The following NAV2 variants were observed in gnomAD, a reference collection of about 807,000 sequenced individuals.
NAV2 encodes the protein neuron navigator 2.
Under a neutral mutation model 223.2 loss-of-function variants are expected in NAV2, and 54 were observed. The observed-to-expected ratio is 0.24, with a 90% CI of 0.19 to 0.30. The LOEUF (loss-of-function observed/expected upper bound fraction) is 0.30. NAV2 is among the 10% of genes least tolerant of loss of function. NAV2 has a pLI of 1.00. For synonymous variants in NAV2, 1,279 were observed against 1,239.3 expected (o/e 1.03, Z -0.67); for missense variants, 2,806 against 3,147.5 (o/e 0.89, Z 2.60).
At chr11:19,421,734 G>C (rs921314723) in intron 1 of NAV2, among the ~76,000 whole-genome samples, 5 of 143,662 alleles carry the variant, frequency 3.5e-5, no homozygotes, top group Non-Finnish European at 6.0e-5. Context: ...CTGATGACTT[G>C]AGAGCCCATG....
chr11:19,446,808 T>A (rs1851601635), intron 1 of NAV2, among the ~76,000 whole-genome samples: 7 of 152,116 alleles, frequency 4.6e-5, no homozygotes, highest in Admixed American at 3.9e-4. Context: ...AATATGACCA[T>A]CCCATTACAG....
At chr11:19,473,469 CT>C (rs1214050085) in intron 1 of NAV2, among the ~76,000 whole-genome samples, 1 of 152,180 alleles carries the variant, frequency 6.6e-6, no homozygotes, top group African/African-American at 2.4e-5. Flanking sequence ...TCCAGAGAAA[CT>C]CCAAGTAAAA....
chr11:19,772,406 C>T (rs1416370829), intron 1 of NAV2, among the ~76,000 whole-genome samples: 1 of 152,188 alleles, frequency 6.6e-6, no homozygotes, highest in East Asian at 1.9e-4. Context: ...CATCTCTGAG[C>T]CTTTCTCTGC....
intron 1 of NAV2, among the ~76,000 whole-genome samples, chr11:19,392,528 C>T (rs1183848388): frequency 2.6e-5 from 4 of 152,146 alleles, no homozygotes; most frequent in African/African-American, 9.7e-5. Flanking sequence ...TGTGGCCTGG[C>T]TTTCCTTACA....
chr11:19,710,461 T>C (rs1278636590), upstream of NAV2, among the ~76,000 whole-genome samples: 2 of 152,242 alleles, frequency 1.3e-5, no homozygotes, highest in East Asian at 3.8e-4. Flanking sequence ...ATATATTCAT[T>C]AGGGCAGAAT....
rs375819759 is a variant in NAV2, at chr11:19,403,945, C to T, written c.75+52918C>T. Among the ~76,000 whole-genome samples, 412 of 127,312 alleles carry T rather than the reference C, an allele frequency of 3.2e-3. 3 individuals carry two copies. Among genetic ancestry groups the T allele is most frequent in the African/African-American group, 0.011 (395 of 35,090 alleles). The allele number at this position is 127,312 out of a possible 152,430, so 83.5% of individuals were successfully genotyped here. A position where few individuals can be genotyped will look rare whatever the true frequency, so the allele number is the denominator to read the frequency against. On this transcript the variant is annotated intron_variant, in intron 1 of 37. Transcript: ENST00000360655. ...CTTGCGTACGTGGCTCTTACGGGGA[C>T]CATGGTCCATATAGAGAAACAGTCG...
intron 1 of NAV2, among the ~76,000 whole-genome samples, chr11:19,446,687 T>C (rs1304972696): frequency 6.6e-6 from 1 of 152,180 alleles, no homozygotes; most frequent in African/African-American, 2.4e-5. Context: ...GCCAGAGTCA[T>C]CATTAATGCA....
At chr11:19,957,930 T>G (rs2048023973) in intron 10 of NAV2, among the ~76,000 whole-genome samples, 1 of 152,204 alleles carries the variant, frequency 6.6e-6, no homozygotes, top group Admixed American at 6.5e-5. Context: ...ATGGGTGTCT[T>G]GTCTTCTCAG....
At chr11:19,644,028 C>T (rs1173889371) in intron 1 of NAV2, among the ~76,000 whole-genome samples, 1 of 151,894 alleles carries the variant, frequency 6.6e-6, no homozygotes, top group Non-Finnish European at 1.5e-5. Context: ...AGTAGGTACC[C>T]CTGTGCGTAT....
chr11:19,394,813 C>T (rs764149339), intron 1 of NAV2, among the ~76,000 whole-genome samples: 86 of 152,148 alleles, frequency 5.7e-4, no homozygotes, highest in African/African-American at 1.9e-3. Flanking sequence ...TCAAATGTGG[C>T]GGGGATTGAG....
Position 20,039,103 on chromosome 11 carries a change from C to T in NAV2, c.2907+3006C>T, listed in dbSNP as rs138961299. 4.1e-3 allele frequency among the ~76,000 whole-genome samples: 630 copies of T among 152,248 alleles called. 5 individuals are homozygous for T. Among genetic ancestry groups the T allele is most frequent in the African/African-American group, 0.014 (576 of 41,548 alleles). Reference sequence around the variant, plus strand: ...AATCCCCTGCTTGAGGCCCAAGAGCCTCTTGAGCAACTCCTCCAGGAGAGC... The same window carrying T: ...AATCCCCTGCTTGAGGCCCAAGAGCTTCTTGAGCAACTCCTCCAGGAGAGC... On this transcript the variant is annotated intron_variant, in intron 12 of 37. Coordinates refer to ENST00000349880, the MANE Select transcript of NAV2 (RefSeq NM_145117.5).
At chr11:19,638,963 A>G (rs1249152155) in intron 1 of NAV2, among the ~76,000 whole-genome samples, 4 of 152,222 alleles carry the variant, frequency 2.6e-5, no homozygotes, top group Non-Finnish European at 5.9e-5. Context: ...ACTGCACTCC[A>G]GCTTGGGTGA....
At chr11:20,000,867 C>T (rs1591608040) in intron 11 of NAV2, among the ~76,000 whole-genome samples, 2 of 152,326 alleles carry the variant, frequency 1.3e-5, no homozygotes, top group East Asian at 3.9e-4. Flanking sequence ...GTTCCTGGCA[C>T]TGTCTCTCTG....
At chr11:19,515,628 A>G (rs1019807532) in intron 1 of NAV2, among the ~76,000 whole-genome samples, 3 of 152,236 alleles carry the variant, frequency 2.0e-5, no homozygotes, top group African/African-American at 7.2e-5. Flanking sequence ...CATCTTAAAT[A>G]GTTTGACAAC....
chr11:19,880,711 G>A (rs1422293937), intron 5 of NAV2, among the ~76,000 whole-genome samples: 7 of 152,136 alleles, frequency 4.6e-5, no homozygotes. Flanking sequence ...TGCAGGGTTG[G>A]GGTCTGGATT....
intron 1 of NAV2, among the ~76,000 whole-genome samples, chr11:19,607,495 A>G (rs1370996632): frequency 6.6e-6 from 1 of 152,310 alleles, no homozygotes; most frequent in African/African-American, 2.4e-5. Context: ...GGCCAGTTCT[A>G]CTTAAATGTT....
chr11:20,102,805 T>C (rs2061732951), intron 32 of NAV2, among the ~76,000 whole-genome samples: 1 of 152,074 alleles, frequency 6.6e-6, no homozygotes, highest in South Asian at 2.1e-4. Context: ...AGCTTGCCCT[T>C]TCAGCAGGAC....
chr11:20,015,158 T>G (rs866662300), intron 11 of NAV2, among the ~76,000 whole-genome samples: 40 of 152,200 alleles, frequency 2.6e-4, no homozygotes, highest in African/African-American at 9.2e-4. Context: ...TTTGGGTTTT[T>G]TTCCTGTTTT....
At position 19,713,801 on chromosome 11, in the gene NAV2, C is replaced by T; in HGVS notation, c.106C>T (p.Pro36Ser). 6.2e-7 allele frequency: 1 copy of T among 1,612,958 alleles called. No individual in the cohort carries two copies. Among genetic ancestry groups the T allele is most frequent in the Non-Finnish European group, 8.5e-7 (1 of 1,179,740 alleles). ...GCCCCCGGCCCGGGCGGGCCCCCAGCCCTGCTACCTGAAGTTGGGAAGCAA... is the reference window on the plus strand; with the variant it reads ...GCCCCCGGCCCGGGCGGGCCCCCAGTCCTGCTACCTGAAGTTGGGAAGCAA... The part of the protein sequence containing the change: ...HVPPARAGPQ[P>S]CYLKLGSKVE... Residue 36 changes from proline (P) to serine (S), a missense_variant, in exon 1 of 38, where the codon CCC (proline) becomes TCC (serine). Pro to Ser is a moderately conservative substitution (Grantham distance 74). Around this residue, in one of 4 missense-constraint regions of NAV2, gnomAD observed 1,167 missense variants for 1,180.5 expected, o/e 0.99. Coordinates refer to ENST00000349880, the MANE Select transcript of NAV2 (RefSeq NM_145117.5). This position sits in a 1 kb window ranked among gnomAD's most constrained non-coding sequence, Gnocchi z 7.2.
Sources: allele counts gnomAD v4.1 joint callset (sites outside exome capture counted in the v4.1 genomes callset), GRCh38; gene constraint gnomAD v4.1.1; regional missense constraint gnomAD v4.1.1; non-coding constraint Gnocchi (gnomAD v3.1); transcripts MANE v1.5; gene names NCBI Gene and HGNC (gene_info 2026-07-23, HGNC 2026-07-21).